NSUN6: variants seen among roughly 807,000 people sequenced by gnomAD.
NSUN6 encodes the protein tRNA (cytosine(72)-C(5))-methyltransferase NSUN6.
In NSUN6, 64 loss-of-function variants were observed where a neutral mutation model predicts 58.0. The observed-to-expected ratio is 1.10, with a 90% CI of 0.90 to 1.36. The LOEUF (loss-of-function observed/expected upper bound fraction) is 1.36, where lower values mean the gene tolerates loss of function less well. NSUN6 is among the 40% of genes most tolerant of loss of function. The probability of loss-of-function intolerance (pLI) is 0.00; values close to 1 mark genes in which losing one functional copy is unlikely to be tolerated. For missense variants in NSUN6, 701 were observed against 550.1 expected (o/e 1.27, Z -2.74); for synonymous variants, 231 against 193.9 (o/e 1.19, Z -1.59).
At chr10:18,609,317 A>G (rs2058150485) in intron 6 of NSUN6, among the ~76,000 whole-genome samples, 1 of 152,034 alleles carries the variant, frequency 6.6e-6, no homozygotes, top group African/African-American at 2.4e-5. Context: ...TCTCAAAATA[A>G]TAATAATAAT....
intron 2 of NSUN6, among the ~76,000 whole-genome samples, chr10:18,645,843 G>C (rs924372606): frequency 6.6e-5 from 10 of 152,112 alleles, no homozygotes; most frequent in Admixed American, 6.5e-4. Flanking sequence ...TACAATGTTT[G>C]AAGATTCCAG....
chr10:18,605,766 G>GT (rs2058026177), intron 6 of NSUN6, among the ~76,000 whole-genome samples: 1 of 152,140 alleles, frequency 6.6e-6, no homozygotes, highest in African/African-American at 2.4e-5. Context: ...ATAAGTAATG[G>GT]TAAGGGGGTG....
intron 3 of NSUN6, among the ~76,000 whole-genome samples, chr10:18,625,192 T>C (rs970473321): frequency 2.6e-5 from 4 of 152,304 alleles, no homozygotes; most frequent in East Asian, 3.9e-4. Context: ...TAATAAACCA[T>C]AGCCATTGGT....
At chr10:18,647,845 C>A (rs1337705661) in intron 2 of NSUN6, among the ~76,000 whole-genome samples, 1 of 148,856 alleles carries the variant, frequency 6.7e-6, no homozygotes, top group South Asian at 2.1e-4. Context: ...AGGGATTACT[C>A]GTGCCTCAGC....
At chr10:18,574,290 A>G (rs2056542363) in intron 8 of NSUN6, among the ~76,000 whole-genome samples, 1 of 152,134 alleles carries the variant, frequency 6.6e-6, no homozygotes, top group Non-Finnish European at 1.5e-5. Flanking sequence ...AGTTAGAACT[A>G]CGTTAACCAG....
intron 5 of NSUN6, among the ~76,000 whole-genome samples, chr10:18,611,862 T>C (rs1239823329): frequency 6.6e-6 from 1 of 152,148 alleles, no homozygotes; most frequent in Non-Finnish European, 1.5e-5. Context: ...TGAGCCACCA[T>C]GCCTGGCGCC....
Position 18,561,730 on chromosome 10 carries a change from AAT to A in NSUN6, c.923-9761_923-9760del, listed in dbSNP as rs2055527439. Among the ~76,000 whole-genome samples the A allele has an allele frequency of 1.5e-3, 220 of 150,862 alleles. 2 individuals carry two copies. Among genetic ancestry groups the A allele is most frequent in the African/African-American group, 5.1e-3 (209 of 40,846 alleles). On this transcript the variant is annotated intron_variant, in intron 8 of 10. Coordinates refer to ENST00000377304, the MANE Select transcript of NSUN6 (RefSeq NM_182543.5). ...TGGAATAGAATGGAGAAAGGAATAG[AAT>A]ATGGAATAGAATGGAGAAAGGAATA...
At chr10:18,624,018 T>C (rs1415803066) in intron 3 of NSUN6, among the ~76,000 whole-genome samples, 4 of 152,154 alleles carry the variant, frequency 2.6e-5, no homozygotes, top group East Asian at 3.9e-4. Flanking sequence ...TAATTCATTC[T>C]GCATTCATTG....
chr10:18,598,605 G>A (rs1397515798), intron 6 of NSUN6, among the ~76,000 whole-genome samples: 1 of 151,820 alleles, frequency 6.6e-6, no homozygotes, highest in Non-Finnish European at 1.5e-5. Flanking sequence ...CCGAATGGCT[G>A]GGACTACAGG....
At chr10:18,562,868 A>G (rs2055638314) in intron 8 of NSUN6, among the ~76,000 whole-genome samples, 1 of 151,044 alleles carries the variant, frequency 6.6e-6, no homozygotes, top group Non-Finnish European at 1.5e-5. Context: ...TATGAATGGA[A>G]TAGAGAATGG....
chr10:18,607,172 C>T (rs2058077315), intron 6 of NSUN6, among the ~76,000 whole-genome samples: 2 of 152,108 alleles, frequency 1.3e-5, no homozygotes, highest in South Asian at 4.1e-4. Flanking sequence ...TCATTTAATC[C>T]ACTTTATAGT....
chr10:18,635,389 G>A (rs535109146), intron 3 of NSUN6, among the ~76,000 whole-genome samples: 7 of 152,186 alleles, frequency 4.6e-5, no homozygotes, highest in African/African-American at 1.7e-4. Context: ...GGCTGTCTTG[G>A]GAATCTCTGA....
intron 10 of NSUN6, 21 bp downstream of exon 10, chr10:18,548,091 G>A: frequency 1.2e-6 from 2 of 1,611,764 alleles, no homozygotes; most frequent in Non-Finnish European, 1.7e-6. Context: ...ATTACACAGA[G>A]AAAAATGAAA....
intron 3 of NSUN6, among the ~76,000 whole-genome samples, chr10:18,620,230 G>T (rs1590091149): frequency 6.6e-6 from 1 of 151,996 alleles, no homozygotes; most frequent in East Asian, 1.9e-4. Flanking sequence ...TGAGACTACA[G>T]GCACCCGCCA....
At chr10:18,629,491 T>C (rs1216369048) in intron 3 of NSUN6, among the ~76,000 whole-genome samples, 1 of 148,422 alleles carries the variant, frequency 6.7e-6, no homozygotes, top group Non-Finnish European at 1.5e-5. Context: ...CCCATCAGTG[T>C]GCTGTATTCA....
intron 3 of NSUN6, among the ~76,000 whole-genome samples, chr10:18,625,388 CT>C (rs1276624425): frequency 6.6e-6 from 1 of 152,008 alleles, no homozygotes. Context: ...ACCTATATAA[CT>C]GAAAAGCTAC....
chr10:18,633,221 A>G (rs773102686), intron 3 of NSUN6, among the ~76,000 whole-genome samples: 161 of 146,098 alleles, frequency 1.1e-3, no homozygotes, highest in Admixed American at 2.7e-3. Flanking sequence ...ACACATGGAC[A>G]CAGGAAGGGG....
upstream of NSUN6, chr10:18,658,656 G>A (rs1590219859): frequency 1.0e-6 from 1 of 982,870 alleles, no homozygotes; most frequent in Admixed American, 6.2e-5. Flanking sequence ...ACTGAACTCT[G>A]TGGCTCCAGG....
At chr10:18,591,831 C>T (rs1014378130) in intron 7 of NSUN6, among the ~76,000 whole-genome samples, 28 of 152,142 alleles carry the variant, frequency 1.8e-4, no homozygotes, top group African/African-American at 6.5e-4. Context: ...CCCCTCTCAC[C>T]ACTCCTATTC....
Sources: gnomAD v4.1 joint callset for allele counts (sites outside exome capture counted in the v4.1 genomes callset) on GRCh38, gnomAD v4.1.1 for gene constraint, MANE v1.5 for transcripts, NCBI Gene and HGNC (gene_info 2026-07-23, HGNC 2026-07-21) for gene names.